The following LRP1B variants were observed in gnomAD, a reference collection of about 807,000 sequenced individuals.
The protein encoded by LRP1B is low-density lipoprotein receptor-related protein 1B.
A neutral mutation model predicts 556.6 loss-of-function variants in LRP1B; 217 were observed. The ratio of observed to expected loss-of-function variants is 0.39; its 90% confidence interval spans 0.35 to 0.44. The LOEUF is 0.44. Ranked by LOEUF, LRP1B falls within the 20% of genes least tolerant of loss-of-function variation. The probability of loss-of-function intolerance (pLI) is 1.00; values close to 1 mark genes in which losing one functional copy is unlikely to be tolerated. For synonymous variants in LRP1B, 2,047 were observed against 1,865.8 expected (o/e 1.10, Z -2.50); for missense variants, 5,053 against 5,620.8 (o/e 0.90, Z 3.23).
chr2:142,048,161 G>A (rs1182060327), intron 1 of LRP1B, among the ~76,000 whole-genome samples: 4 of 152,024 alleles, frequency 2.6e-5, no homozygotes, highest in African/African-American at 9.7e-5. Flanking sequence ...ACAAAAGTAG[G>A]CAGCATCTGC....
At chr2:141,015,165 T>G (rs1179102538) in intron 13 of LRP1B, among the ~76,000 whole-genome samples, 1 of 152,022 alleles carries the variant, frequency 6.6e-6, no homozygotes, top group African/African-American at 2.4e-5. Context: ...CAATTTTACC[T>G]AAGAATTTCA....
At chr2:140,370,932 CT>C in intron 70 of LRP1B, 90 bp from the exon 71 acceptor site, 1 of 1,329,554 alleles carries the variant, frequency 7.5e-7, no homozygotes, top group Non-Finnish European at 1.0e-6. Context: ...AATACTAGAG[CT>C]TTATTATACC....
chr2:141,311,338 A>G (rs547963240), intron 3 of LRP1B, among the ~76,000 whole-genome samples: 11 of 152,278 alleles, frequency 7.2e-5, no homozygotes, highest in Non-Finnish European at 1.5e-4. Context: ...TCCCCTCTAA[A>G]GATTACTATC....
chr2:140,629,045 G>T (rs112967273), intron 41 of LRP1B, among the ~76,000 whole-genome samples: 1 of 151,694 alleles, frequency 6.6e-6, no homozygotes, highest in African/African-American at 2.4e-5. Context: ...ACCCAGTCTC[G>T]GGTAGTTCTT....
intron 2 of LRP1B, among the ~76,000 whole-genome samples, chr2:141,605,827 C>T (rs1375894421): frequency 6.6e-6 from 1 of 152,126 alleles, no homozygotes; most frequent in Non-Finnish European, 1.5e-5. Context: ...GCCTCATAGT[C>T]AATGTCAAAA....
At chr2:141,662,392 C>T (rs1173038762) in intron 2 of LRP1B, among the ~76,000 whole-genome samples, 2 of 152,028 alleles carry the variant, frequency 1.3e-5, no homozygotes, top group African/African-American at 4.8e-5. Context: ...TGACAAGCTG[C>T]ATAAAGAGTC....
chr2:140,364,233 G>C (rs13407545), intron 72 of LRP1B, among the ~76,000 whole-genome samples: 67,362 of 151,410 alleles, frequency 0.44, 15,703 homozygotes, highest in Non-Finnish European at 0.53. Flanking sequence ...GATAGATACA[G>C]AGATATTTCA....
chr2:140,278,036 A>AACACAC lies in LRP1B; in HGVS notation c.12968-3444_12968-3439dup, dbSNP rs34699867. Among the ~76,000 whole-genome samples, 77 of 150,448 alleles carry AACACAC rather than the reference A, an allele frequency of 5.1e-4. 2 individuals are homozygous for AACACAC. The highest frequency in any genetic ancestry group is 2.5e-3 in the Admixed American group (38 of 15,010). On this transcript the variant is annotated intron_variant, in intron 84 of 90. Coordinates refer to ENST00000389484, the MANE Select transcript of LRP1B (RefSeq NM_018557.3). ...TTATACAATAAAATGCACATATACA[A>AACACAC]ACACACACACACACACACACAAAAT...
At chr2:141,693,751 T>C (rs1691630755) in intron 2 of LRP1B, among the ~76,000 whole-genome samples, 1 of 152,022 alleles carries the variant, frequency 6.6e-6, no homozygotes, top group African/African-American at 2.4e-5. Flanking sequence ...GTCTAAGGGA[T>C]TCTTATCAAT....
At chr2:140,320,301 T>C (rs1680035213) in intron 82 of LRP1B, among the ~76,000 whole-genome samples, 1 of 152,190 alleles carries the variant, frequency 6.6e-6, no homozygotes, top group Non-Finnish European at 1.5e-5. Flanking sequence ...CGGCTCTGCA[T>C]ATCAAATGCT....
At chr2:141,723,822 T>C (rs920663839) in intron 2 of LRP1B, among the ~76,000 whole-genome samples, 1 of 151,794 alleles carries the variant, frequency 6.6e-6, no homozygotes, top group Non-Finnish European at 1.5e-5. Flanking sequence ...ATTTCAGAAA[T>C]GTCGTAAAAT....
chr2:141,738,319 A>G (rs72847427), intron 2 of LRP1B, among the ~76,000 whole-genome samples: 13,181 of 152,206 alleles, frequency 0.087, 661 homozygotes, highest in African/African-American at 0.13. Flanking sequence ...ACAAAAATCT[A>G]AATGCTGTAA....
At chr2:140,783,864 C>T (rs955248209) in intron 32 of LRP1B, among the ~76,000 whole-genome samples, 49 of 152,126 alleles carry the variant, frequency 3.2e-4, no homozygotes, top group Admixed American at 3.1e-3. Context: ...AGAAGGATTA[C>T]GTGATAATCT....
chr2:141,138,702 C>A (rs1168580226), intron 7 of LRP1B, among the ~76,000 whole-genome samples: 1 of 151,526 alleles, frequency 6.6e-6, no homozygotes, highest in African/African-American at 2.4e-5. Flanking sequence ...ATGGACATAA[C>A]AACAATAAAC....
chr2:141,167,661 G>A (rs1199136331), intron 7 of LRP1B, among the ~76,000 whole-genome samples: 2 of 151,736 alleles, frequency 1.3e-5, no homozygotes, highest in South Asian at 4.1e-4. Flanking sequence ...AATCATCTAG[G>A]TGTTAATTCA....
At chr2:141,427,429 A>G (rs552259239) in intron 3 of LRP1B, among the ~76,000 whole-genome samples, 1 of 152,368 alleles carries the variant, frequency 6.6e-6, no homozygotes, top group South Asian at 2.1e-4. Flanking sequence ...TATGATGCTT[A>G]TAATTATGGA....
chr2:141,490,382 T>TGCGC (rs1553520856), intron 2 of LRP1B, among the ~76,000 whole-genome samples: 5 of 149,960 alleles, frequency 3.3e-5, no homozygotes, highest in Non-Finnish European at 5.9e-5. Flanking sequence ...TGTGTGTGTG[T>TGCGC]GTGTGTGTGT....
intron 3 of LRP1B, among the ~76,000 whole-genome samples, chr2:141,336,909 A>G (rs149016707): frequency 0.012 from 1,788 of 152,142 alleles, 23 homozygotes; most frequent in South Asian, 0.021. Context: ...GTAGAATTCT[A>G]TTACATGGAT....
intron 53 of LRP1B, among the ~76,000 whole-genome samples, chr2:140,505,632 G>A (rs1195474357): frequency 6.6e-6 from 1 of 152,096 alleles, no homozygotes; most frequent in African/African-American, 2.4e-5. Flanking sequence ...ATATAACTCT[G>A]CTTCAGATTT....
Sources: allele counts gnomAD v4.1 joint callset (sites outside exome capture counted in the v4.1 genomes callset), GRCh38; gene constraint gnomAD v4.1.1; transcripts MANE v1.5; gene names NCBI Gene and HGNC (gene_info 2026-07-23, HGNC 2026-07-21).